SPPL2A: variants seen among roughly 807,000 people sequenced by gnomAD.
SPPL2A encodes the protein signal peptide peptidase-like 2A.
Under a neutral mutation model 63.8 loss-of-function variants are expected in SPPL2A, and 51 were observed. The ratio of observed to expected loss-of-function variants is 0.80; its 90% CI spans 0.64 to 1.01. The LOEUF (loss-of-function observed/expected upper bound fraction) is 1.01, where lower values mean the gene tolerates loss of function less well. Ranked by LOEUF, SPPL2A falls within the 50% of genes least tolerant of loss-of-function variation. The pLI is 0.00. For synonymous variants in SPPL2A, 188 were observed against 205.8 expected (o/e 0.91, Z 0.74); for missense variants, 553 against 622.7 (o/e 0.89, Z 1.19).
In SPPL2A at chr15:50,748,802, G is replaced by A. The variant is rs1300530120; in HGVS notation, c.246C>T (p.Gly82=). The change falls in exon 3 of 15, where the codon GGC becomes GGT. Residue 82 remains glycine, a synonymous_variant. Transcript: ENST00000261854. ...LCNLSDIPPV[G]IKSKAVVVPW... ...GAACCACAACTGCTTTGCTCTTTAT[G>A]CCAACAGGAGGAATATCAGAAAGGT... The A allele has an allele frequency of 1.2e-6, 2 of 1,611,678 alleles. No homozygotes were observed. Among genetic ancestry groups the A allele is most frequent in the African/African-American group, 1.3e-5 (1 of 74,774 alleles).
intron 1 of SPPL2A, among the ~76,000 whole-genome samples, chr15:50,765,233 T>C (rs1175464360): frequency 7.3e-6 from 1 of 137,126 alleles, no homozygotes; most frequent in Non-Finnish European, 1.6e-5. Flanking sequence ...CAGACTTCAA[T>C]GGGCGGGAAC....
chr15:50,758,532 G>A (rs1175021913), intron 1 of SPPL2A, among the ~76,000 whole-genome samples: 18 of 151,684 alleles, frequency 1.2e-4, no homozygotes, highest in Non-Finnish European at 8.8e-5. Flanking sequence ...GTTTCACCAT[G>A]TTGGCCAGGA....
At chr15:50,740,447 A>AAAAG (rs2062811054) in intron 5 of SPPL2A, among the ~76,000 whole-genome samples, 1 of 128,308 alleles carries the variant, frequency 7.8e-6, no homozygotes, top group Non-Finnish European at 1.7e-5. Context: ...AAAAAAAAAG[A>AAAAG]AAAAAAAAAG....
chr15:50,722,980 C>T (rs1373464360), intron 12 of SPPL2A, among the ~76,000 whole-genome samples: 1 of 151,944 alleles, frequency 6.6e-6, no homozygotes, highest in African/African-American at 2.4e-5. Flanking sequence ...GTAAACAACC[C>T]AATTAGAAAA....
At chr15:50,715,051 G>T (rs1382346263) in intron 14 of SPPL2A, among the ~76,000 whole-genome samples, 1 of 151,670 alleles carries the variant, frequency 6.6e-6, no homozygotes, top group Non-Finnish European at 1.5e-5. Flanking sequence ...GGAGTGCAGT[G>T]GTACAATCTT....
At chr15:50,734,287 T>C (rs1252577801) in intron 8 of SPPL2A, among the ~76,000 whole-genome samples, 1 of 152,152 alleles carries the variant, frequency 6.6e-6, no homozygotes, top group Non-Finnish European at 1.5e-5. Context: ...CACACTCATA[T>C]ATATATAATT....
intron 7 of SPPL2A, 37 bp downstream of exon 7, chr15:50,736,607 C>A: frequency 8.3e-7 from 1 of 1,203,936 alleles, no homozygotes. Flanking sequence ...AAATTATAAA[C>A]ACCAACATTA....
intron 14 of SPPL2A, among the ~76,000 whole-genome samples, chr15:50,718,963 T>C (rs180799102): frequency 1.3e-5 from 2 of 152,164 alleles, no homozygotes; most frequent in African/African-American, 2.4e-5. Flanking sequence ...CCTCACAAAG[T>C]GCCTTCATGA....
intron 10 of SPPL2A, 92 bp downstream of exon 10, chr15:50,730,873 G>A (rs1402075165): frequency 3.1e-6 from 2 of 640,460 alleles, no homozygotes; most frequent in Non-Finnish European, 5.7e-6. Flanking sequence ...TCACTCAGTG[G>A]TAAACATCTG....
chr15:50,709,954 A>AAGAC (rs1447259529), intron 14 of SPPL2A, among the ~76,000 whole-genome samples: 2 of 152,230 alleles, frequency 1.3e-5, no homozygotes, highest in Admixed American at 6.5e-5. Context: ...AAGCCAAATC[A>AAGAC]AGACAGATAA....
rs977261649 is a variant in SPPL2A, at chr15:50,746,040, G to A, written c.584+1455C>T. On this transcript the variant is annotated intron_variant, in intron 5 of 14. Transcript: ENST00000261854. ...CACTCCAGCCTGCATGACAGAGCAA[G>A]TCTCCATCTCAAAAAAATATATATA... 2.0e-5 allele frequency among the ~76,000 whole-genome samples: 3 copies of A among 151,900 alleles called. No individual in the cohort carries two copies. The East Asian group carries it at 5.8e-4, about 30-fold the overall frequency.
At position 50,758,276 on chromosome 15, in the gene SPPL2A, G is replaced by C. The variant is rs573970697; in HGVS notation, c.66+7192C>G. ...TGCACTCCAGCCTGGGCGACAGAGC[G>C]AGACTCCATCTCAAAAAAAAAAAAA... is the stretch of plus-strand genomic sequence containing the variant. On this transcript the variant is annotated intron_variant, in intron 1 of 14. Transcript: ENST00000261854. 8.2e-5 allele frequency among the ~76,000 whole-genome samples: 12 copies of C among 147,176 alleles called. 1 individual carries two copies. In the South Asian group the frequency reaches 1.1e-3, roughly 13 times the overall value.
rs866222210 is a variant in SPPL2A at position 50,703,351 on chromosome 15, T to C, written c.*4449A>G. 6 of 81,018 alleles carry C rather than the reference T, an allele frequency of 7.4e-5. No individual in the cohort carries two copies. The highest frequency in any genetic ancestry group is 1.4e-4 in the Admixed American group (1 of 7,258). The allele number at this position is 81,018 out of a possible 1,614,324, so 5.0% of individuals were successfully genotyped here. A position where few individuals can be genotyped will look rare whatever the true frequency, so the allele number is the denominator to read the frequency against. Reference sequence around the variant, plus strand: ...ATATATATATATATATATATACATATATATATTTTTTTTTTTTTTTTTTTT... The same window carrying C: ...ATATATATATATATATATATACATACATATATTTTTTTTTTTTTTTTTTTT... On this transcript the variant is annotated 3_prime_UTR_variant, in exon 15 of 15. Transcript: ENST00000261854.
At chr15:50,710,681 T>C (rs2062548882) in intron 14 of SPPL2A, among the ~76,000 whole-genome samples, 1 of 152,164 alleles carries the variant, frequency 6.6e-6, no homozygotes, top group Non-Finnish European at 1.5e-5. Flanking sequence ...AGAAATAGTC[T>C]AATAAAACAC....
intron 1 of SPPL2A, among the ~76,000 whole-genome samples, chr15:50,759,906 T>C (rs1456076120): frequency 6.6e-6 from 1 of 152,064 alleles, no homozygotes; most frequent in Non-Finnish European, 1.5e-5. Context: ...TCAAAGGAGA[T>C]TATAGGTGTT....
At position 50,703,219 on chromosome 15, in the gene SPPL2A, TC is replaced by T. The variant is rs2062487488; in HGVS notation, c.*4580del. On this transcript the variant is annotated 3_prime_UTR_variant, in exon 15 of 15. Transcript: ENST00000261854. The stretch of plus-strand genomic sequence containing the variant: ...TCCATTGTACTGGTCTACACTGAAT[TC>T]CATTCAATTGTAGACTGAAGTACAG... 1 of 150,498 alleles carries T rather than the reference TC, an allele frequency of 6.6e-6. No homozygotes were observed. The highest frequency in any genetic ancestry group is 1.5e-5 in the Non-Finnish European group (1 of 67,784). The allele number at this position is 150,498 out of a possible 1,614,324, so 9.3% of individuals were successfully genotyped here.
chr15:50,764,536 C>A (rs999442250), intron 1 of SPPL2A: 2 of 152,164 alleles, frequency 1.3e-5, no homozygotes, highest in Non-Finnish European at 1.5e-5. Flanking sequence ...GCAAAACAGT[C>A]TTTCAAAGAA....
At chr15:50,738,535 C>A (rs1386598599) in intron 6 of SPPL2A, among the ~76,000 whole-genome samples, 5 of 144,654 alleles carry the variant, frequency 3.5e-5, no homozygotes, top group Non-Finnish European at 6.0e-5. Context: ...GGCGACAGAG[C>A]AAGACTCTGT....
intron 14 of SPPL2A, among the ~76,000 whole-genome samples, chr15:50,713,072 G>A (rs1000858806): frequency 5.9e-5 from 9 of 151,992 alleles, no homozygotes; most frequent in East Asian, 1.9e-4. Flanking sequence ...TAAGTTATTC[G>A]TCAGAACTGA....
Sources: allele counts gnomAD v4.1 joint callset (sites outside exome capture counted in the v4.1 genomes callset), GRCh38; gene constraint gnomAD v4.1.1; transcripts MANE v1.5; gene names NCBI Gene and HGNC (gene_info 2026-07-23, HGNC 2026-07-21).